SUSD6: variants seen among roughly 807,000 people sequenced by gnomAD.
The protein encoded by SUSD6 is sushi domain-containing protein 6.
SUSD6 carries 16 observed loss-of-function variants against 28.4 expected under a neutral mutation model. That is an observed-to-expected ratio of 0.56 (90% confidence interval 0.38 to 0.86). SUSD6 has a LOEUF of 0.86. Among genes scored for constraint, SUSD6 ranks in the 40% least tolerant of loss-of-function variants. The probability of loss-of-function intolerance (pLI) is 0.00; values close to 1 mark genes in which losing one functional copy is unlikely to be tolerated. For synonymous variants in SUSD6, 147 were observed against 159.6 expected, an observed-to-expected ratio of 0.92 and a Z score of 0.59; for missense variants, 341 against 384.2, an observed-to-expected ratio of 0.89 and a Z score of 0.94.
intron 2 of SUSD6, among the ~76,000 whole-genome samples, chr14:69,695,761 T>C (rs534200743): frequency 3.4e-4 from 52 of 152,368 alleles, no homozygotes; most frequent in Non-Finnish European, 6.3e-4. Context: ...TGCATTGTTA[T>C]GTTTCTAGAG....
intron 2 of SUSD6, among the ~76,000 whole-genome samples, chr14:69,702,473 G>A (rs1030525615): frequency 6.6e-5 from 10 of 152,174 alleles, no homozygotes; most frequent in Non-Finnish European, 1.2e-4. Flanking sequence ...AACTTACCAG[G>A]GTTCCCACCA....
At chr14:69,657,787 C>T (rs1885605123) in intron 1 of SUSD6, among the ~76,000 whole-genome samples, 1 of 152,200 alleles carries the variant, frequency 6.6e-6, no homozygotes, top group Admixed American at 6.5e-5. Context: ...TACACACACT[C>T]TTTCTCACTC....
chr14:69,612,460 CT>C (rs3837664), intron 1 of SUSD6, among the ~76,000 whole-genome samples: 1 of 152,148 alleles, frequency 6.6e-6, no homozygotes, highest in Non-Finnish European at 1.5e-5. Context: ...ACAGACTTTC[CT>C]TTTTTCGCTT....
chr14:69,667,378 T>G (rs1029129608), intron 2 of SUSD6, among the ~76,000 whole-genome samples: 4 of 140,536 alleles, frequency 2.8e-5, no homozygotes, highest in African/African-American at 1.1e-4. Context: ...TTCTTTTTTT[T>G]TTTTTTTTTT....
intron 1 of SUSD6, among the ~76,000 whole-genome samples, chr14:69,631,180 A>G (rs1885187434): frequency 6.6e-6 from 1 of 152,198 alleles, no homozygotes; most frequent in South Asian, 2.1e-4. Flanking sequence ...TCACATGTGC[A>G]TGTTCAGCTG....
At chr14:69,666,375 T>C (rs1474482307) in intron 2 of SUSD6, among the ~76,000 whole-genome samples, 1 of 152,224 alleles carries the variant, frequency 6.6e-6, no homozygotes, top group East Asian at 1.9e-4. Context: ...GGGATGCTAT[T>C]TGTTAGGAAC....
chr14:69,704,583 G>C (rs539547831), intron 3 of SUSD6, 21 bp from the exon 4 acceptor site: 1 of 1,605,746 alleles, frequency 6.2e-7, no homozygotes, highest in South Asian at 1.1e-5. Context: ...AAACCCTTCT[G>C]ATGATGGCTT....
At chr14:69,639,201 A>C (rs56413100) in intron 1 of SUSD6, among the ~76,000 whole-genome samples, 3,951 of 149,272 alleles carry the variant, frequency 0.026, 183 homozygotes, top group African/African-American at 0.092. Context: ...TGTGGCGGGC[A>C]CCTGTAGTCC....
chr14:69,671,082 ACT>A (rs1885824695), intron 2 of SUSD6, among the ~76,000 whole-genome samples: 8 of 152,246 alleles, frequency 5.3e-5, no homozygotes, highest in Admixed American at 4.6e-4. Flanking sequence ...CCCAGATAGG[ACT>A]GAGATGCTGC....
chr14:69,622,778 G>A (rs1379667626), intron 1 of SUSD6, among the ~76,000 whole-genome samples: 1 of 152,116 alleles, frequency 6.6e-6, no homozygotes. Context: ...ATTTTTAGTA[G>A]AGATGAAGTT....
chr14:69,682,403 A>C (rs1329163230), intron 2 of SUSD6, among the ~76,000 whole-genome samples: 1 of 152,194 alleles, frequency 6.6e-6, no homozygotes, highest in Non-Finnish European at 1.5e-5. Context: ...CATATCAAGC[A>C]GAATGGTACC....
chr14:69,641,480 A>G (rs941423174), intron 1 of SUSD6, among the ~76,000 whole-genome samples: 6 of 151,734 alleles, frequency 4.0e-5, no homozygotes, highest in African/African-American at 1.2e-4. Context: ...TTCTTTTGCA[A>G]ATTTACTATT....
chr14:69,673,574 G>A (rs1041279066), intron 2 of SUSD6, among the ~76,000 whole-genome samples: 1 of 152,188 alleles, frequency 6.6e-6, no homozygotes, highest in African/African-American at 2.4e-5. Context: ...CTGAGAAGAG[G>A]TTAAGGGAGG....
chr14:69,650,222 G>C (rs1258479192), intron 1 of SUSD6, among the ~76,000 whole-genome samples: 1 of 152,158 alleles, frequency 6.6e-6, no homozygotes, highest in South Asian at 2.1e-4. Context: ...GGAGTCTAGT[G>C]GGGGTCAGTC....
chr14:69,629,158 G>T (rs1885158534), intron 1 of SUSD6, among the ~76,000 whole-genome samples: 1 of 151,890 alleles, frequency 6.6e-6, no homozygotes, highest in South Asian at 2.1e-4. Flanking sequence ...GGGAGTGAAT[G>T]GTCCTGGTGA....
chr14:69,649,154 T>C (rs1319785157), intron 1 of SUSD6, among the ~76,000 whole-genome samples: 1 of 152,192 alleles, frequency 6.6e-6, no homozygotes, highest in Admixed American at 6.5e-5. Flanking sequence ...ATAAACATAA[T>C]TCCTCTCACG....
At chr14:69,676,726 A>G (rs1257561269) in intron 2 of SUSD6, among the ~76,000 whole-genome samples, 1 of 152,178 alleles carries the variant, frequency 6.6e-6, no homozygotes, top group Non-Finnish European at 1.5e-5. Flanking sequence ...AGATTCCCAC[A>G]TATTTTGCCC....
At position 69,703,412 on chromosome 14, in the gene SUSD6, G is replaced by A. The variant is rs1886340110; in HGVS notation, c.139G>A (p.Glu47Lys). ...CTTTGCAGTGTGCCCCCTACCACCG[G>A]AGCCAGAGAATGGTGGCTACATCTG... ...GLASVCPLPPEPENGGYICHP... is the reference protein window; with the variant it reads ...GLASVCPLPPKPENGGYICHP... Residue 47 changes from glutamate to lysine, a missense_variant, in exon 3 of 6, where the codon GAG becomes AAG. Transcript: ENST00000342745. 1 of 1,613,832 alleles carries A rather than the reference G, an allele frequency of 6.2e-7. No homozygotes were observed. The highest frequency in any genetic ancestry group is 8.5e-7 in the Non-Finnish European group (1 of 1,179,956).
At position 69,641,954 on chromosome 14, in the gene SUSD6, GTTC is replaced by G. The variant is rs1368786037; in HGVS notation, c.-80-16553_-80-16551del. On this transcript the variant is annotated intron_variant, in intron 1 of 5. Transcript: ENST00000342745. ...TCTCTCTTCATCATGCTCGTGCTTT[GTTC>G]TTCTTGAACACATGGAGTATATTTA... is the stretch of plus-strand genomic sequence containing the variant. Among the ~76,000 whole-genome samples the G allele has an allele frequency of 2.0e-5, 3 of 152,144 alleles. No individual in the cohort carries two copies. In the East Asian group the frequency reaches 5.8e-4, roughly 29 times the overall value.
Sources: gnomAD v4.1 joint callset for allele counts (sites outside exome capture counted in the v4.1 genomes callset) on GRCh38, gnomAD v4.1.1 for gene constraint, MANE v1.5 for transcripts, NCBI Gene and HGNC (gene_info 2026-07-23, HGNC 2026-07-21) for gene names.